Variants in PTPRM observed in about 807,000 individuals in gnomAD.
PTPRM encodes protein tyrosine phosphatase receptor type M.
PTPRM carries 47 observed loss-of-function variants against 186.7 expected under a neutral mutation model. The observed-to-expected ratio is 0.25, with a 90% confidence interval of 0.20 to 0.32. The LOEUF is 0.32. PTPRM is among the 10% of genes least tolerant of loss of function. PTPRM has a pLI of 1.00. For synonymous variants in PTPRM, 668 were observed against 674.9 expected (o/e 0.99, Z 0.16); for missense variants, 1,494 against 1,865.0 (o/e 0.80, Z 3.66).
intron 7 of PTPRM, among the ~76,000 whole-genome samples, chr18:7,960,885 TTTA>T (rs1599735126): frequency 1.3e-5 from 2 of 152,260 alleles, no homozygotes; most frequent in East Asian, 3.9e-4. Context: ...GATGATATTT[TTTA>T]TTATTTTACT....
chr18:7,837,133 A>T (rs2046090289), intron 2 of PTPRM, among the ~76,000 whole-genome samples: 1 of 152,152 alleles, frequency 6.6e-6, no homozygotes, highest in Non-Finnish European at 1.5e-5. Flanking sequence ...TTTAAGTCCA[A>T]TAACTCTTAG....
In PTPRM at chr18:7,869,135, C is replaced by T. The variant is rs554968017; in HGVS notation, c.197-18971C>T. On this transcript the variant is annotated intron_variant, in intron 2 of 32. Transcript: ENST00000580170. ...CAGTGGATCTTAGCTTGCTGGGCTC[C>T]GTGGAGGTGGGATCTGCTGAGCTAG... is the stretch of plus-strand genomic sequence containing the variant. Among the ~76,000 whole-genome samples, 28 of 152,180 alleles carry T rather than the reference C, an allele frequency of 1.8e-4. 1 individual carries two copies. The highest frequency in any genetic ancestry group is 6.3e-4 in the African/African-American group (26 of 41,530).
At chr18:7,810,943 T>C (rs1224338325) in intron 2 of PTPRM, among the ~76,000 whole-genome samples, 1 of 152,318 alleles carries the variant, frequency 6.6e-6, no homozygotes, top group East Asian at 1.9e-4. Context: ...ATGAATAAAA[T>C]CAGCACATCC....
chr18:7,825,627 A>G (rs12965898), intron 2 of PTPRM, among the ~76,000 whole-genome samples: 85,104 of 151,858 alleles, frequency 0.56, 24,713 homozygotes, highest in East Asian at 0.85. Flanking sequence ...GATCCCTGTG[A>G]TGCCATGGGC....
At chr18:7,877,605 C>A (rs2048309963) in intron 2 of PTPRM, among the ~76,000 whole-genome samples, 1 of 152,160 alleles carries the variant, frequency 6.6e-6, no homozygotes, top group Non-Finnish European at 1.5e-5. Flanking sequence ...TATTCAACCA[C>A]CTCTTTGATT....
chr18:7,831,321 C>A (rs1465140143), intron 2 of PTPRM, among the ~76,000 whole-genome samples: 1 of 152,042 alleles, frequency 6.6e-6, no homozygotes, highest in Non-Finnish European at 1.5e-5. Flanking sequence ...ATTTTCTGAA[C>A]ATTACAGATA....
At chr18:8,039,982 G>T (rs1225884089) in intron 7 of PTPRM, among the ~76,000 whole-genome samples, 1 of 152,136 alleles carries the variant, frequency 6.6e-6, no homozygotes, top group African/African-American at 2.4e-5. Flanking sequence ...ATTGCAAACA[G>T]CATATTGTAA....
At chr18:8,252,160 G>C (rs528154046) in intron 17 of PTPRM, among the ~76,000 whole-genome samples, 1 of 152,102 alleles carries the variant, frequency 6.6e-6, no homozygotes, top group Non-Finnish European at 1.5e-5. Flanking sequence ...GTACAATTTG[G>C]TTGACTTGTT....
At chr18:8,131,028 G>A (rs2092491515) in intron 13 of PTPRM, among the ~76,000 whole-genome samples, 1 of 152,186 alleles carries the variant, frequency 6.6e-6, no homozygotes, top group African/African-American at 2.4e-5. Context: ...ATGTGGCTTT[G>A]TTGTTGTTAC....
rs548843313 is a variant in PTPRM, at chr18:8,065,454, T to C, written c.1133-4232T>C. ...AGTGGGAGAGTCGGTAAGAGCTCAC[T>C]GACTGAGCTTCCTGCGTGACAGCCA... On this transcript the variant is annotated intron_variant, in intron 7 of 32. Coordinates refer to ENST00000580170, the MANE Select transcript of PTPRM (RefSeq NM_001105244.2). 5.3e-5 allele frequency among the ~76,000 whole-genome samples: 8 copies of C among 152,220 alleles called. No homozygotes were observed. The East Asian group carries it at 9.7e-4, about 19-fold the overall frequency.
rs937140593 is a variant in PTPRM, at chr18:8,388,480, G to A, written c.4208+1245G>A. 2.0e-5 allele frequency among the ~76,000 whole-genome samples: 3 copies of A among 152,260 alleles called. No individual in the cohort carries two copies. The South Asian group carries it at 6.2e-4, about 32-fold the overall frequency. ...CCCAGGACTCTGCCTGCCTCTCAAC[G>A]ATCAAAACACGATAGTGTCTCATCC... On this transcript the variant is annotated intron_variant, in intron 31 of 32. Transcript: ENST00000580170.
At chr18:7,618,858 G>C (rs2037870426) in intron 1 of PTPRM, among the ~76,000 whole-genome samples, 1 of 152,208 alleles carries the variant, frequency 6.6e-6, no homozygotes, top group African/African-American at 2.4e-5. Context: ...TTTTGTGTGG[G>C]ATTGGGTATT....
At chr18:8,229,801 C>T (rs1320375759) in intron 14 of PTPRM, among the ~76,000 whole-genome samples, 1 of 152,176 alleles carries the variant, frequency 6.6e-6, no homozygotes, top group Non-Finnish European at 1.5e-5. Context: ...ATTTGAACCT[C>T]TTCAACATGA....
intron 2 of PTPRM, among the ~76,000 whole-genome samples, chr18:7,818,776 G>T (rs2044999500): frequency 6.6e-6 from 1 of 152,188 alleles, no homozygotes; most frequent in South Asian, 2.1e-4. Flanking sequence ...GTTACTGGTG[G>T]AGCAAATGCA....
At chr18:8,189,255 G>A (rs1022921785) in intron 14 of PTPRM, among the ~76,000 whole-genome samples, 3 of 142,528 alleles carry the variant, frequency 2.1e-5, no homozygotes, top group South Asian at 2.3e-4. Flanking sequence ...TGGCACCACT[G>A]TACTCCAATC....
chr18:8,379,076 C>A, intron 27 of PTPRM, 91 bp from the exon 28 acceptor site: 1 of 1,092,292 alleles, frequency 9.2e-7, no homozygotes, highest in Middle Eastern at 2.5e-4. Flanking sequence ...TGCAGTCAGC[C>A]ACAGGAAGTT....
At chr18:7,947,469 T>TG (rs11449321) in intron 5 of PTPRM, among the ~76,000 whole-genome samples, 8,667 of 152,252 alleles carry the variant, frequency 0.057, 823 homozygotes, top group African/African-American at 0.2. Context: ...TATAAATCAC[T>TG]GGGTAATACA....
At chr18:7,981,138 T>C (rs2082527816) in intron 7 of PTPRM, among the ~76,000 whole-genome samples, 1 of 152,112 alleles carries the variant, frequency 6.6e-6, no homozygotes, top group Non-Finnish European at 1.5e-5. Context: ...CTCCCGCTGG[T>C]TTTCTACTAC....
chr18:7,578,816 C>T (rs2036768128), intron 1 of PTPRM, among the ~76,000 whole-genome samples: 1 of 152,122 alleles, frequency 6.6e-6, no homozygotes, highest in South Asian at 2.1e-4. Context: ...AGAACCAATG[C>T]TGTGATGTCA....
Sources: gnomAD v4.1 joint callset for allele counts (sites outside exome capture counted in the v4.1 genomes callset) on GRCh38, gnomAD v4.1.1 for gene constraint, MANE v1.5 for transcripts, NCBI Gene and HGNC (gene_info 2026-07-23, HGNC 2026-07-21) for gene names.